TBCK: variants seen among roughly 807,000 people sequenced by gnomAD.
TBCK encodes TBC domain-containing protein kinase-like protein.
In TBCK, 99 loss-of-function variants were observed where a neutral mutation model predicts 113.4. The ratio of observed to expected loss-of-function variants is 0.87; its 90% CI spans 0.74 to 1.03. The LOEUF (loss-of-function observed/expected upper bound fraction) is 1.03, where lower values mean the gene tolerates loss of function less well. Among genes scored for constraint, TBCK ranks in the 50% least tolerant of loss-of-function variants. The pLI is 0.00. For missense variants in TBCK, 1,045 were observed against 1,061.3 expected, an observed-to-expected ratio of 0.98 and a Z score of 0.21; for synonymous variants, 369 against 370.8, an observed-to-expected ratio of 1.00 and a Z score of 0.05.
intron 2 of TBCK, among the ~76,000 whole-genome samples, chr4:106,295,476 GA>G (rs1766201340): frequency 1.3e-5 from 2 of 152,094 alleles, no homozygotes; most frequent in Admixed American, 1.3e-4. Flanking sequence ...CACATTGAAA[GA>G]AAGAAGTAAA....
chr4:106,184,384 A>G (rs920388060), intron 22 of TBCK, among the ~76,000 whole-genome samples: 10 of 152,068 alleles, frequency 6.6e-5, no homozygotes, highest in Non-Finnish European at 1.5e-5. Context: ...TTAGAGAACT[A>G]ATACACAAGG....
intron 19 of TBCK, among the ~76,000 whole-genome samples, chr4:106,215,173 T>G (rs1756718527): frequency 6.6e-6 from 1 of 150,934 alleles, no homozygotes; most frequent in Non-Finnish European, 1.5e-5. Flanking sequence ...GCTGAGAGAT[T>G]TTGTCACCAC....
chr4:106,208,747 C>A (rs1451159618), intron 20 of TBCK, among the ~76,000 whole-genome samples: 1 of 152,120 alleles, frequency 6.6e-6, no homozygotes, highest in Admixed American at 6.5e-5. Context: ...GCTTGCCAAA[C>A]AATGGGAGAA....
intron 3 of TBCK, among the ~76,000 whole-genome samples, chr4:106,265,838 T>C (rs1762947010): frequency 6.6e-6 from 1 of 151,828 alleles, no homozygotes; most frequent in South Asian, 2.1e-4. Flanking sequence ...CGATCCCTGG[T>C]TGTCATATTT....
chr4:106,223,153 G>C (rs1202422312), intron 19 of TBCK, among the ~76,000 whole-genome samples: 2 of 152,020 alleles, frequency 1.3e-5, no homozygotes, highest in Non-Finnish European at 2.9e-5. Flanking sequence ...GCAAAGATGT[G>C]CACTAAGCTG....
intron 20 of TBCK, among the ~76,000 whole-genome samples, chr4:106,204,992 C>G (rs573193863): frequency 6.6e-6 from 1 of 151,780 alleles, no homozygotes; most frequent in Admixed American, 6.6e-5. Flanking sequence ...GTCTCGATCT[C>G]CTGACCTCAT....
Position 106,046,866 on chromosome 4 carries a change from ATTTC to A in TBCK, c.2572-190_2572-187del, listed in dbSNP as rs531928440. Among the ~76,000 whole-genome samples the A allele has an allele frequency of 1.7e-4, 26 of 152,254 alleles. 1 individual carries two copies. The South Asian group carries it at 5.4e-3, about 32-fold the overall frequency. On this transcript the variant is annotated intron_variant, in intron 25 of 25. Transcript: ENST00000394708. ...ACTCTTTTATATGCTGACGCTGACA[ATTTC>A]TTTATCTTATGGAATAAATGTCTCT...
intron 11 of TBCK, 116 bp downstream of exon 11, chr4:106,244,510 T>C: frequency 1.0e-6 from 1 of 983,486 alleles, no homozygotes; most frequent in East Asian, 3.2e-5. Flanking sequence ...ACCAAAAAAA[T>C]TTTAAAAACA....
chr4:106,269,591 C>T (rs1449439943), intron 3 of TBCK, among the ~76,000 whole-genome samples: 1 of 152,078 alleles, frequency 6.6e-6, no homozygotes, highest in East Asian at 1.9e-4. Flanking sequence ...ATGTATTTGC[C>T]TCAGATTCAG....
intron 23 of TBCK, among the ~76,000 whole-genome samples, chr4:106,144,727 G>T (rs1014198952): frequency 6.6e-6 from 1 of 151,846 alleles, no homozygotes; most frequent in African/African-American, 2.4e-5. Flanking sequence ...CCTCTAACTT[G>T]TTCATATTTT....
At chr4:106,152,442 T>A (rs61424243) in intron 23 of TBCK, among the ~76,000 whole-genome samples, 6,001 of 152,196 alleles carry the variant, frequency 0.039, 381 homozygotes, top group African/African-American at 0.13. Context: ...TCCCACTTGG[T>A]CATGATGAAT....
At chr4:106,090,827 C>T (rs193181428) in intron 25 of TBCK, among the ~76,000 whole-genome samples, 3 of 152,280 alleles carry the variant, frequency 2.0e-5, no homozygotes, top group Non-Finnish European at 4.4e-5. Flanking sequence ...CTCATTTCCA[C>T]CTAAGACTTA....
intron 23 of TBCK, among the ~76,000 whole-genome samples, chr4:106,152,788 T>TC (rs1235721581): frequency 2.0e-5 from 3 of 152,102 alleles, no homozygotes; most frequent in African/African-American, 7.2e-5. Flanking sequence ...ATTTTGGACT[T>TC]CATCATGGTT....
intron 23 of TBCK, among the ~76,000 whole-genome samples, chr4:106,152,972 C>T (rs1434562952): frequency 6.6e-6 from 1 of 151,912 alleles, no homozygotes. Context: ...TTTGGTTAGT[C>T]TGGCTAAACA....
intron 1 of TBCK, 39 bp downstream of exon 1, chr4:106,315,890 ACC>A (rs901166586): frequency 4.6e-5 from 7 of 152,736 alleles, no homozygotes; most frequent in African/African-American, 1.7e-4. Context: ...CACAGACCCC[ACC>A]CACTACGACA....
At chr4:106,312,446 G>T (rs1768302397) in intron 1 of TBCK, among the ~76,000 whole-genome samples, 1 of 149,730 alleles carries the variant, frequency 6.7e-6, no homozygotes, top group Middle Eastern at 3.2e-3. Flanking sequence ...AAATTTAAAT[G>T]ACTGGCAGTA....
At chr4:106,078,172 C>G (rs183086493) in intron 25 of TBCK, among the ~76,000 whole-genome samples, 1 of 152,096 alleles carries the variant, frequency 6.6e-6, no homozygotes, top group African/African-American at 2.4e-5. Context: ...TAAACTCCTA[C>G]GTGAAGAAGT....
chr4:106,109,473 C>A (rs1170552925), intron 24 of TBCK, among the ~76,000 whole-genome samples: 1 of 152,120 alleles, frequency 6.6e-6, no homozygotes, highest in Non-Finnish European at 1.5e-5. Flanking sequence ...TAAGGCCACA[C>A]ATCTATGACC....
intron 4 of TBCK, 146 bp from the exon 5 acceptor site, chr4:106,260,656 T>TA (rs1762422133): frequency 1.1e-5 from 4 of 360,946 alleles, no homozygotes; most frequent in Non-Finnish European, 2.0e-5. Flanking sequence ...CTGTAGATTT[T>TA]AAAAAATCAT....
Sources: gnomAD v4.1 joint callset for allele counts (sites outside exome capture counted in the v4.1 genomes callset) on GRCh38, gnomAD v4.1.1 for gene constraint, MANE v1.5 for transcripts, NCBI Gene and HGNC (gene_info 2026-07-23, HGNC 2026-07-21) for gene names.